Variants in FNBP1L observed in about 807,000 individuals in gnomAD.
The protein encoded by FNBP1L is formin binding protein 1 like.
Under a neutral mutation model 91.2 loss-of-function variants are expected in FNBP1L, and 36 were observed. That is an observed-to-expected ratio of 0.39 (90% CI 0.30 to 0.52). The LOEUF is 0.52. FNBP1L is among the 20% of genes least tolerant of loss of function. The pLI, the probability that FNBP1L is intolerant of heterozygous loss-of-function variation, is 0.66. For missense variants in FNBP1L, 571 were observed against 732.1 expected (o/e 0.78, Z 2.54); for synonymous variants, 242 against 237.0 (o/e 1.02, Z -0.19).
intron 1 of FNBP1L, among the ~76,000 whole-genome samples, chr1:93,490,004 C>T (rs1047881774): frequency 3.3e-5 from 5 of 152,182 alleles, no homozygotes; most frequent in African/African-American, 1.2e-4. Flanking sequence ...AGTCATTATT[C>T]TGCTTTTTAG....
At chr1:93,547,109 A>C in intron 13 of FNBP1L, 135 bp downstream of exon 13, 1 of 1,102,086 alleles carries the variant, frequency 9.1e-7, no homozygotes. Context: ...TATTATTGTG[A>C]TGTGTGTTAT....
intron 7 of FNBP1L, 34 bp from the exon 8 acceptor site, chr1:93,532,888 G>A: frequency 6.5e-7 from 1 of 1,538,120 alleles, no homozygotes; most frequent in South Asian, 1.2e-5. Flanking sequence ...GAAAAATTCA[G>A]TTTTCTCTTT....
In FNBP1L at chr1:93,529,774, C is replaced by T; in HGVS notation, c.510+18C>T. The T allele has an allele frequency of 7.3e-7, 1 of 1,363,068 alleles. No individual in the cohort carries two copies. The highest frequency in any genetic ancestry group is 1.0e-6 in the Non-Finnish European group (1 of 1,004,638). The allele number at this position is 1,363,068 out of a possible 1,614,324, so 84.4% of individuals were successfully genotyped here. A position where few individuals can be genotyped will look rare whatever the true frequency, so the allele number is the denominator to read the frequency against. ...TTGAAAAGGTAAGAAATACTCCAAACCAACTTTAATGTCAAAATATTATTA... is the reference window on the plus strand; with the variant it reads ...TTGAAAAGGTAAGAAATACTCCAAATCAACTTTAATGTCAAAATATTATTA... On this transcript the variant is annotated intron_variant, in intron 6 of 16. Coordinates refer to ENST00000271234, the MANE Select transcript of FNBP1L (RefSeq NM_001164473.3).
intron 1 of FNBP1L, among the ~76,000 whole-genome samples, chr1:93,472,529 T>G (rs1423272208): frequency 6.6e-6 from 1 of 151,662 alleles, no homozygotes; most frequent in Non-Finnish European, 1.5e-5. Context: ...AAAAAAATCC[T>G]CGGCCGGGCG....
chr1:93,491,586 C>T (rs1391829915), intron 1 of FNBP1L, among the ~76,000 whole-genome samples: 1 of 152,182 alleles, frequency 6.6e-6, no homozygotes. Context: ...ATCCTCCCAC[C>T]TGGGCCTCCT....
chr1:93,469,056 C>G (rs1354937089), intron 1 of FNBP1L, among the ~76,000 whole-genome samples: 1 of 151,952 alleles, frequency 6.6e-6, no homozygotes, highest in African/African-American at 2.4e-5. Context: ...TATATCTTTC[C>G]TAAAGAAATA....
At chr1:93,464,536 A>T (rs1669009072) in intron 1 of FNBP1L, among the ~76,000 whole-genome samples, 1 of 151,922 alleles carries the variant, frequency 6.6e-6, no homozygotes, top group Non-Finnish European at 1.5e-5. Flanking sequence ...CTTTTTACAG[A>T]TTTTTTCAAT....
intron 1 of FNBP1L, among the ~76,000 whole-genome samples, chr1:93,478,306 C>CAGAG (rs373065741): frequency 6.6e-6 from 1 of 150,806 alleles, no homozygotes; most frequent in Non-Finnish European, 1.5e-5. Flanking sequence ...AGAGCCTAAG[C>CAGAG]AGAGAGAGAG....
chr1:93,505,271 A>G (rs372815435), intron 2 of FNBP1L, among the ~76,000 whole-genome samples: 2 of 152,182 alleles, frequency 1.3e-5, no homozygotes, highest in South Asian at 4.2e-4. Context: ...ACATAAATTT[A>G]TTTAGTAAGG....
At chr1:93,486,348 A>G (rs1669902521) in intron 1 of FNBP1L, among the ~76,000 whole-genome samples, 1 of 152,218 alleles carries the variant, frequency 6.6e-6, no homozygotes, top group Admixed American at 6.5e-5. Context: ...CCAGCTAGTT[A>G]TTAGAGTTTC....
At chr1:93,467,211 G>A (rs79771473) in intron 1 of FNBP1L, among the ~76,000 whole-genome samples, 7,723 of 152,188 alleles carry the variant, frequency 0.051, 339 homozygotes, top group African/African-American at 0.12. Context: ...CAGCATTATT[G>A]ACAATAGCTA....
chr1:93,469,657 A>G lies in FNBP1L; in HGVS notation c.24+21352A>G, dbSNP rs562027773. ...TTTCTGTGGTAGTATGTACTAGTAA[A>G]CTATAAATAAAAACTAATATTGATG... On this transcript the variant is annotated intron_variant, in intron 1 of 16. Transcript: ENST00000271234. Among the ~76,000 whole-genome samples, 8 of 152,280 alleles carry G rather than the reference A, an allele frequency of 5.3e-5. No homozygotes were observed. In the East Asian group the frequency reaches 7.7e-4, roughly 15 times the overall value.
intron 6 of FNBP1L, among the ~76,000 whole-genome samples, chr1:93,530,141 C>T (rs896028844): frequency 4.6e-5 from 7 of 151,942 alleles, no homozygotes; most frequent in African/African-American, 1.7e-4. Flanking sequence ...AATAAGCATT[C>T]CTTAATTTGA....
rs935230003 is a variant in FNBP1L at position 93,551,692 on chromosome 1, C to T, written c.1810+587C>T. On this transcript the variant is annotated intron_variant, in intron 16 of 16. Transcript: ENST00000271234. ...AAAGGAAGAAAATGAGCAGGTAGCA[C>T]ATAATCTATTTAAGTAGATTTAAAG... is the stretch of plus-strand genomic sequence containing the variant. 1.0e-4 allele frequency: 100 copies of T among 984,530 alleles called. 1 individual carries two copies. Among genetic ancestry groups the T allele is most frequent in the Non-Finnish European group, 1.2e-4 (97 of 829,256 alleles). 61.0% of individuals were successfully genotyped at this position (984,530 alleles called of 1,614,324 possible).
intron 2 of FNBP1L, among the ~76,000 whole-genome samples, chr1:93,507,091 ACACACACACACACACACTCTCT>A (rs1314757350): frequency 3.4e-4 from 44 of 129,908 alleles, no homozygotes; most frequent in African/African-American, 1.1e-3. Flanking sequence ...ACACACACAC[ACACACACACACACACACTCTCT>A]CTCTCTCTCT....
intron 3 of FNBP1L, 54 bp downstream of exon 3, chr1:93,522,189 AT>A: frequency 2.4e-6 from 2 of 828,798 alleles, no homozygotes; most frequent in Non-Finnish European, 3.4e-6. Flanking sequence ...AAATACTTAT[AT>A]TTTTATTATT....
At chr1:93,531,671 G>A (rs1188907807) in intron 7 of FNBP1L, among the ~76,000 whole-genome samples, 1 of 152,178 alleles carries the variant, frequency 6.6e-6, no homozygotes, top group African/African-American at 2.4e-5. Context: ...AGAGGGCCAA[G>A]CCTGCCAGTC....
At chr1:93,496,253 C>T (rs1670257595) in intron 1 of FNBP1L, among the ~76,000 whole-genome samples, 2 of 149,114 alleles carry the variant, frequency 1.3e-5, no homozygotes, top group South Asian at 2.2e-4. Flanking sequence ...CCTTCCTTCT[C>T]CTCTTTTTCC....
At chr1:93,512,029 C>G (rs1437051635) in intron 2 of FNBP1L, among the ~76,000 whole-genome samples, 2 of 150,356 alleles carry the variant, frequency 1.3e-5, no homozygotes, top group South Asian at 4.2e-4. Context: ...GGAAACCCAT[C>G]TCATGTGCAG....
Sources: gnomAD v4.1 joint callset for allele counts (sites outside exome capture counted in the v4.1 genomes callset) on GRCh38, gnomAD v4.1.1 for gene constraint, MANE v1.5 for transcripts, NCBI Gene and HGNC (gene_info 2026-07-23, HGNC 2026-07-21) for gene names.